Variants in FNDC3A observed in about 807,000 individuals in gnomAD.
The protein encoded by FNDC3A is fibronectin type III domain containing 3A.
FNDC3A carries 32 observed loss-of-function variants against 148.9 expected under a neutral mutation model. The ratio of observed to expected loss-of-function variants is 0.21; its 90% CI spans 0.16 to 0.29. The LOEUF is 0.29. Among genes scored for constraint, FNDC3A ranks in the 10% least tolerant of loss-of-function variants. The pLI is 1.00. For synonymous variants in FNDC3A, 472 were observed against 473.6 expected (o/e 1.00, Z 0.04); for missense variants, 1,191 against 1,452.8 (o/e 0.82, Z 2.93).
chr13:49,067,840 T>C (rs1877368881), intron 2 of FNDC3A, among the ~76,000 whole-genome samples: 1 of 152,180 alleles, frequency 6.6e-6, no homozygotes, highest in Non-Finnish European at 1.5e-5. Flanking sequence ...TAAGAACTCT[T>C]GTGCTTTATC....
At chr13:49,076,294 G>C (rs992970881) in intron 3 of FNDC3A, among the ~76,000 whole-genome samples, 8 of 151,924 alleles carry the variant, frequency 5.3e-5, no homozygotes, top group Admixed American at 2.6e-4. Context: ...ACCCAGGCTG[G>C]AGTGCAGTGG....
At position 49,131,308 on chromosome 13, in the gene FNDC3A, G is replaced by A. The variant is rs1479853317; in HGVS notation, c.424G>A (p.Gly142Arg). ...PPRHMYSPVT[G>R]AGDMTTQYMP... ...ACGTCATATGTACTCACCCGTGACT[G>A]GAGCTGGAGACATGACAACACAGTA... The change falls in exon 5 of 26, where the codon GGA (glycine) becomes AGA (arginine). Residue 142 changes from glycine (G) to arginine (R), a missense_variant. Coordinates refer to ENST00000492622, the MANE Select transcript of FNDC3A (RefSeq NM_001079673.2). 29 of 1,614,118 alleles carry A rather than the reference G, an allele frequency of 1.8e-5. No homozygotes were observed. Among genetic ancestry groups the A allele is most frequent in the Non-Finnish European group, 2.5e-5 (29 of 1,180,002 alleles).
rs200515980 is a variant in FNDC3A at position 49,115,186 on chromosome 13, G to C, written c.252+455G>C. The stretch of plus-strand genomic sequence containing the variant: ...AGTTTAGCAACCCTGAGGGATGAGG[G>C]GGGGGGGGAAATAAAAAAAAAAAAT... On this transcript the variant is annotated intron_variant, in intron 4 of 25. Coordinates refer to ENST00000492622, the MANE Select transcript of FNDC3A (RefSeq NM_001079673.2). 1.9e-3 allele frequency among the ~76,000 whole-genome samples: 182 copies of C among 97,080 alleles called. 1 individual carries two copies. Among genetic ancestry groups the C allele is most frequent in the African/African-American group, 9.0e-3 (168 of 18,580 alleles). The allele number at this position is 97,080 out of a possible 152,430, so 63.7% of individuals were successfully genotyped here.
intron 8 of FNDC3A, among the ~76,000 whole-genome samples, chr13:49,150,175 G>A (rs984733315): frequency 1.3e-5 from 2 of 152,168 alleles, no homozygotes; most frequent in African/African-American, 4.8e-5. Flanking sequence ...CTGGGCTCAA[G>A]TGATCCTCCC....
intron 3 of FNDC3A, among the ~76,000 whole-genome samples, chr13:49,105,679 T>C (rs1880130392): frequency 6.6e-6 from 1 of 152,190 alleles, no homozygotes; most frequent in South Asian, 2.1e-4. Context: ...TTCATCCACT[T>C]TTGTGCTATT....
chr13:49,198,101 C>G lies in FNDC3A; in HGVS notation c.2610C>G (p.Pro870=). The G allele has an allele frequency of 1.2e-6, 2 of 1,614,118 alleles. No homozygotes were observed. Among genetic ancestry groups the G allele is most frequent in the Non-Finnish European group, 1.7e-6 (2 of 1,180,010 alleles). ...QEISDDEIEN[P]HYSPSTCLAI... is the part of the protein sequence containing the mutation. ...TAAGCGATGATGAGATAGAAAATCC[C>G]CATTATTCACCTTCTACATGCCTTG... The change falls in exon 22 of 26, where the codon CCC becomes CCG. Residue 870 remains proline, a synonymous_variant. Transcript: ENST00000492622.
At position 49,175,393 on chromosome 13, in the gene FNDC3A, A is replaced by G. The variant is rs1248692741; in HGVS notation, c.1382A>G (p.Tyr461Cys). 2.5e-6 allele frequency: 4 copies of G among 1,595,552 alleles called. No homozygotes were observed. Among genetic ancestry groups the G allele is most frequent in the Non-Finnish European group, 3.4e-6 (4 of 1,172,932 alleles). The change falls in exon 13 of 26, where the codon TAC becomes TGC. Residue 461 changes from tyrosine to cysteine, a missense_variant. This residue lies in a region of FNDC3A where 751 missense variants were observed against 944.0 expected (regional missense o/e 0.80). Transcript: ENST00000492622. The stretch of plus-strand genomic sequence containing the variant: ...GGTTTTAGTGAAGAAGTCTTATATT[A>G]CACCTCAGGCTGTGCTCCTTCTATG... ...TSGFSEEVLY[Y>C]TSGCAPSMPA...
chr13:49,185,551 A>C (rs1209641699), intron 14 of FNDC3A, among the ~76,000 whole-genome samples: 1 of 152,214 alleles, frequency 6.6e-6, no homozygotes, highest in Admixed American at 6.5e-5. Context: ...TAACACACAC[A>C]CAAGGGAAGG....
chr13:49,101,562 C>T (rs9568151), intron 3 of FNDC3A, among the ~76,000 whole-genome samples: 96,513 of 151,740 alleles, frequency 0.64, 31,093 homozygotes, highest in Non-Finnish European at 0.68. Context: ...AATCTAACAG[C>T]AGCCTTAATA....
chr13:49,205,308 A>G (rs559871163), intron 25 of FNDC3A, among the ~76,000 whole-genome samples: 20 of 152,344 alleles, frequency 1.3e-4, no homozygotes, highest in Admixed American at 3.3e-4. Flanking sequence ...TATAAAGACA[A>G]AAATCATCTA....
rs570033553 is a variant in FNDC3A, at chr13:49,012,549, T to TAC, written c.99+6272_99+6273dup. On this transcript the variant is annotated intron_variant, in intron 2 of 25. Transcript: ENST00000492622. ...ATAAATTTTAGAATTAGCTTATCAA[T>TAC]ACACACACACACATGCACACACACA... 1.8e-4 allele frequency among the ~76,000 whole-genome samples: 27 copies of TAC among 151,906 alleles called. 1 individual carries two copies. The South Asian group carries it at 4.2e-3, about 23-fold the overall frequency.
intron 4 of FNDC3A, among the ~76,000 whole-genome samples, chr13:49,121,584 AATAG>A (rs1358160977): frequency 6.6e-5 from 10 of 152,294 alleles, no homozygotes; most frequent in South Asian, 4.1e-4. Flanking sequence ...AGATGAACAA[AATAG>A]ATAGACCACT....
intron 2 of FNDC3A, among the ~76,000 whole-genome samples, chr13:49,059,527 C>T (rs890539299): frequency 2.6e-5 from 4 of 152,176 alleles, no homozygotes; most frequent in East Asian, 1.9e-4. Context: ...ATGATCATGG[C>T]GCACTGCAAC....
chr13:49,132,640 C>G (rs1882103125), intron 5 of FNDC3A, among the ~76,000 whole-genome samples: 1 of 152,246 alleles, frequency 6.6e-6, no homozygotes, highest in Admixed American at 6.5e-5. Flanking sequence ...TTGCAATGTT[C>G]TGCCCTGTGG....
intron 3 of FNDC3A, among the ~76,000 whole-genome samples, chr13:49,098,859 A>G (rs1457670589): frequency 6.6e-6 from 1 of 152,142 alleles, no homozygotes; most frequent in Non-Finnish European, 1.5e-5. Context: ...TTCCAAGGAA[A>G]AGAAAGGTCT....
intron 3 of FNDC3A, among the ~76,000 whole-genome samples, chr13:49,077,771 T>C (rs1878215401): frequency 6.6e-6 from 1 of 152,354 alleles, no homozygotes; most frequent in East Asian, 1.9e-4. Context: ...ATTCTGCACA[T>C]GTATCCCACA....
intron 25 of FNDC3A, among the ~76,000 whole-genome samples, chr13:49,206,654 T>A (rs1886661356): frequency 6.6e-6 from 1 of 152,190 alleles, no homozygotes; most frequent in Non-Finnish European, 1.5e-5. Context: ...ATTGTACAGA[T>A]ATGTTTGAAA....
chr13:49,105,333 CT>C (rs1280176696), intron 3 of FNDC3A, among the ~76,000 whole-genome samples: 1 of 152,194 alleles, frequency 6.6e-6, no homozygotes, highest in Non-Finnish European at 1.5e-5. Context: ...AGCATTTCCT[CT>C]CTTAGGTACA....
rs143829535 is a variant in FNDC3A, at chr13:49,166,571, C to G, written c.978-673C>G. 1.5e-3 allele frequency among the ~76,000 whole-genome samples: 228 copies of G among 152,242 alleles called. 2 individuals are homozygous for G. The highest frequency in any genetic ancestry group is 4.4e-3 in the Admixed American group (68 of 15,294). ...ATGTCTTGCACAACTCCAGGCATCT[C>G]CCTATGTTAGTTGCAGCCCACAAGG... On this transcript the variant is annotated intron_variant, in intron 8 of 25. Coordinates refer to ENST00000492622, the MANE Select transcript of FNDC3A (RefSeq NM_001079673.2).
Sources: gnomAD v4.1 joint callset for allele counts (sites outside exome capture counted in the v4.1 genomes callset) on GRCh38, gnomAD v4.1.1 for gene constraint, gnomAD v4.1.1 regional missense constraint, MANE v1.5 for transcripts, NCBI Gene and HGNC (gene_info 2026-07-23, HGNC 2026-07-21) for gene names.